ZNF521: variants seen among roughly 807,000 people sequenced by gnomAD.
ZNF521 encodes LYST-interacting protein 3.
Under a neutral mutation model 105.5 loss-of-function variants are expected in ZNF521, and 14 were observed. The observed-to-expected ratio is 0.13, with a 90% CI of 0.09 to 0.21. The LOEUF (loss-of-function observed/expected upper bound fraction) is 0.21, where lower values mean the gene tolerates loss of function less well. Among genes scored for constraint, ZNF521 ranks in the 10% least tolerant of loss-of-function variants. The pLI, the probability that ZNF521 is intolerant of heterozygous loss-of-function variation, is 1.00. For synonymous variants in ZNF521, 635 were observed against 606.0 expected, an observed-to-expected ratio of 1.05 and a Z score of -0.70; for missense variants, 1,233 against 1,629.7, an observed-to-expected ratio of 0.76 and a Z score of 4.19.
At chr18:25,192,015 G>C (rs757323822) in intron 5 of ZNF521, among the ~76,000 whole-genome samples, 3 of 152,116 alleles carry the variant, frequency 2.0e-5, no homozygotes, top group Non-Finnish European at 4.4e-5. Flanking sequence ...AGCAAAGGAA[G>C]AGAGGAAAAA....
At chr18:25,277,659 T>C (rs527872379) in intron 3 of ZNF521, among the ~76,000 whole-genome samples, 7 of 152,338 alleles carry the variant, frequency 4.6e-5, no homozygotes, top group African/African-American at 1.4e-4. Flanking sequence ...TTCACTAAGT[T>C]ATTTAGTTTC....
At chr18:25,215,377 T>C (rs2144698992) in intron 4 of ZNF521, among the ~76,000 whole-genome samples, 2 of 152,286 alleles carry the variant, frequency 1.3e-5, no homozygotes, top group Middle Eastern at 3.4e-3. Flanking sequence ...CTACATCATG[T>C]GGTAGGTAGA....
intron 3 of ZNF521, among the ~76,000 whole-genome samples, chr18:25,256,613 A>C (rs1453886926): frequency 5.3e-5 from 8 of 152,048 alleles, no homozygotes; most frequent in African/African-American, 1.9e-4. Context: ...TCAAGACTTT[A>C]AGGCTTGAAA....
Position 25,225,651 on chromosome 18 carries a change from G to C in ZNF521, c.2267C>G (p.Ser756Cys), listed in dbSNP as rs1906072279. 3 of 1,614,056 alleles carry C rather than the reference G, an allele frequency of 1.9e-6. No homozygotes were observed. Among genetic ancestry groups the C allele is most frequent in the Non-Finnish European group, 2.5e-6 (3 of 1,180,032 alleles). Reference sequence around the variant, plus strand: ...TTCGTTGCGGAAGTCCCAGTTGCAAGATGTGCACCTATAGACTTTCTTTTC... The same window carrying C: ...TTCGTTGCGGAAGTCCCAGTTGCAACATGTGCACCTATAGACTTTCTTTTC... ...SNEKKVYRCT[S>C]CNWDFRNETD... The change falls in exon 4 of 8, where the codon TCT (serine) becomes TGT (cysteine). Residue 756 changes from serine to cysteine, a missense_variant. Coordinates refer to ENST00000361524, the MANE Select transcript of ZNF521 (RefSeq NM_015461.3). This position sits in a 1 kb window ranked among gnomAD's most constrained non-coding sequence, Gnocchi z 5.6.
At chr18:25,332,343 A>C (rs1365302748) in intron 2 of ZNF521, among the ~76,000 whole-genome samples, 7 of 98,786 alleles carry the variant, frequency 7.1e-5, no homozygotes, top group African/African-American at 1.4e-4. Flanking sequence ...ATGAAAGATC[A>C]CAGCAAAAAA....
chr18:25,339,511 C>T (rs1237634097), intron 2 of ZNF521, among the ~76,000 whole-genome samples: 2 of 152,124 alleles, frequency 1.3e-5, no homozygotes, highest in African/African-American at 2.4e-5. Context: ...AATATGTTTC[C>T]ACTGTTTGAT....
intron 4 of ZNF521, among the ~76,000 whole-genome samples, chr18:25,208,744 T>C (rs1417070612): frequency 3.3e-5 from 5 of 152,208 alleles, no homozygotes; most frequent in Non-Finnish European, 4.4e-5. Flanking sequence ...GTTACACTGT[T>C]TAGATTAATT....
At chr18:25,324,318 A>G (rs1346172268) in intron 2 of ZNF521, among the ~76,000 whole-genome samples, 1 of 151,992 alleles carries the variant, frequency 6.6e-6, no homozygotes, top group African/African-American at 2.4e-5. Flanking sequence ...CAGCATGCCT[A>G]CATTTTCCAA....
chr18:25,065,461 G>A (rs1194970031), intron 7 of ZNF521, among the ~76,000 whole-genome samples: 1 of 152,068 alleles, frequency 6.6e-6, no homozygotes, highest in African/African-American at 2.4e-5. Flanking sequence ...TGAATTTTGT[G>A]TTTAGACTTG....
chr18:25,141,752 T>C (rs944783440), intron 5 of ZNF521, among the ~76,000 whole-genome samples: 13 of 152,150 alleles, frequency 8.5e-5, no homozygotes, highest in African/African-American at 3.1e-4. Context: ...CTGGTTATCT[T>C]GTAAATGATT....
intron 5 of ZNF521, among the ~76,000 whole-genome samples, chr18:25,179,862 C>T (rs998021250): frequency 2.0e-5 from 3 of 152,106 alleles, no homozygotes; most frequent in Non-Finnish European, 4.4e-5. Context: ...ATGTGACACA[C>T]ACACATTTAA....
At chr18:25,221,982 TATG>T (rs774211133) in intron 4 of ZNF521, among the ~76,000 whole-genome samples, 183 of 152,154 alleles carry the variant, frequency 1.2e-3, no homozygotes, top group Non-Finnish European at 2.1e-3. Context: ...TAACAAATAG[TATG>T]ATGAATTTAA....
chr18:25,322,962 C>T (rs530917233), intron 2 of ZNF521, among the ~76,000 whole-genome samples: 1 of 152,126 alleles, frequency 6.6e-6, no homozygotes, highest in African/African-American at 2.4e-5. Flanking sequence ...GATACACAAA[C>T]AGCAGGGAGA....
At chr18:25,152,238 G>C (rs1322935856) in intron 5 of ZNF521, among the ~76,000 whole-genome samples, 1 of 152,152 alleles carries the variant, frequency 6.6e-6, no homozygotes, top group Non-Finnish European at 1.5e-5. Flanking sequence ...CAACACTTTG[G>C]GAGGCCGAGG....
chr18:25,190,789 T>C (rs1393201909), intron 5 of ZNF521, among the ~76,000 whole-genome samples: 3 of 152,248 alleles, frequency 2.0e-5, no homozygotes, highest in Non-Finnish European at 4.4e-5. Flanking sequence ...ACTCATTCTT[T>C]ATGCCTTGAC....
At chr18:25,304,042 G>C (rs45611332) in intron 3 of ZNF521, among the ~76,000 whole-genome samples, 9,635 of 152,166 alleles carry the variant, frequency 0.063, 446 homozygotes, top group Non-Finnish European at 0.086. Context: ...GAAGCAATAA[G>C]ACTTTTCATT....
chr18:25,179,130 T>C (rs1238674710), intron 5 of ZNF521, among the ~76,000 whole-genome samples: 2 of 22,486 alleles, frequency 8.9e-5, no homozygotes, highest in Non-Finnish European at 1.6e-4. Context: ...TTTTTTTTTT[T>C]TTTTTTTTTT....
intron 3 of ZNF521, among the ~76,000 whole-genome samples, chr18:25,284,579 CAG>C (rs1910579398): frequency 6.6e-6 from 1 of 151,970 alleles, no homozygotes; most frequent in African/African-American, 2.4e-5. Context: ...AAAAGAGAGG[CAG>C]AGTCATAGGC....
chr18:25,123,926 A>T (rs978154599), intron 5 of ZNF521, among the ~76,000 whole-genome samples: 1 of 152,112 alleles, frequency 6.6e-6, no homozygotes. Context: ...AGCTTTGTAA[A>T]CAATTCAAAT....
Sources: allele counts gnomAD v4.1 joint callset (sites outside exome capture counted in the v4.1 genomes callset), GRCh38; gene constraint gnomAD v4.1.1; non-coding constraint Gnocchi (gnomAD v3.1); transcripts MANE v1.5; gene names NCBI Gene and HGNC (gene_info 2026-07-23, HGNC 2026-07-21).